Variants in KHDRBS3 observed in about 807,000 individuals in gnomAD.
The protein encoded by KHDRBS3 is KH RNA binding domain containing, signal transduction associated 3, also known as KH domain-containing, RNA-binding, signal transduction-associated protein 3.
Under a neutral mutation model 45.6 loss-of-function variants are expected in KHDRBS3, and 23 were observed. That is an observed-to-expected ratio of 0.50 (90% confidence interval 0.36 to 0.72). The LOEUF is 0.72. KHDRBS3 is among the 30% of genes least tolerant of loss of function. KHDRBS3 has a pLI of 0.00. For synonymous variants in KHDRBS3, 162 were observed against 156.5 expected (o/e 1.04, Z -0.26); for missense variants, 352 against 424.8 (o/e 0.83, Z 1.51).
At chr8:135,545,175 C>G (rs1586696706) in intron 3 of KHDRBS3, among the ~76,000 whole-genome samples, 3 of 152,218 alleles carry the variant, frequency 2.0e-5, no homozygotes, top group African/African-American at 7.2e-5. Flanking sequence ...ATCATAGTTA[C>G]TGTACGCAAG....
intron 1 of KHDRBS3, among the ~76,000 whole-genome samples, chr8:135,481,250 A>ATATATATATATATATT (rs1285436029): frequency 1.6e-5 from 2 of 125,556 alleles, no homozygotes; most frequent in Admixed American, 8.0e-5. Flanking sequence ...ATATATATAT[A>ATATATATATATATATT]TTTAATGTAA....
At chr8:135,640,002 C>G (rs1830995012) in intron 7 of KHDRBS3, among the ~76,000 whole-genome samples, 1 of 152,034 alleles carries the variant, frequency 6.6e-6, no homozygotes, top group Non-Finnish European at 1.5e-5. Flanking sequence ...GAGAGGGTTG[C>G]TGGGGAAGAA....
At chr8:135,639,911 C>T (rs1247556173) in intron 7 of KHDRBS3, among the ~76,000 whole-genome samples, 2 of 152,194 alleles carry the variant, frequency 1.3e-5, no homozygotes, top group Non-Finnish European at 2.9e-5. Flanking sequence ...ATTGCATTTC[C>T]ACATGAGATT....
intron 1 of KHDRBS3, among the ~76,000 whole-genome samples, chr8:135,514,415 C>G (rs1055153786): frequency 6.6e-6 from 1 of 152,114 alleles, no homozygotes; most frequent in African/African-American, 2.4e-5. Context: ...CATGCTGCCC[C>G]GTGGATGAGC....
rs1821898321 is a variant in KHDRBS3, at chr8:135,469,536, T to TG, written c.88+11582_88+11583insG. 2.9e-3 allele frequency among the ~76,000 whole-genome samples: 245 copies of TG among 85,862 alleles called. 4 individuals are homozygous for TG. Among genetic ancestry groups the TG allele is most frequent in the African/African-American group, 0.01 (232 of 22,590 alleles). 56.3% of individuals were successfully genotyped at this position (85,862 alleles called of 152,430 possible). On this transcript the variant is annotated intron_variant, in intron 1 of 8. Transcript: ENST00000355849. ...TTTTTTGTTTTGGTTTTTTTTTTTT[T>TG]TTTTTTTTTTTGAGACGAGTCTCGC...
chr8:135,506,068 G>A (rs749253775), intron 1 of KHDRBS3, among the ~76,000 whole-genome samples: 1 of 152,138 alleles, frequency 6.6e-6, no homozygotes, highest in Non-Finnish European at 1.5e-5. Flanking sequence ...TTAATAACTG[G>A]CATAGATGGC....
At chr8:135,631,925 A>G (rs1014358763) in intron 7 of KHDRBS3, among the ~76,000 whole-genome samples, 1 of 152,206 alleles carries the variant, frequency 6.6e-6, no homozygotes, top group African/African-American at 2.4e-5. Context: ...CAACACAAGT[A>G]ATGCATTGCG....
intron 3 of KHDRBS3, among the ~76,000 whole-genome samples, chr8:135,547,445 G>T (rs1415445795): frequency 1.3e-5 from 2 of 152,132 alleles, no homozygotes; most frequent in East Asian, 3.9e-4. Context: ...AACAGATTTT[G>T]CAAATTAAGT....
chr8:135,599,267 G>A (rs180811087), intron 6 of KHDRBS3, among the ~76,000 whole-genome samples: 126 of 152,288 alleles, frequency 8.3e-4, no homozygotes, highest in East Asian at 7.5e-3. Context: ...TGATGAATAA[G>A]CAAGTCTTTT....
chr8:135,529,152 G>A (rs1563745636), intron 2 of KHDRBS3, among the ~76,000 whole-genome samples: 2 of 152,136 alleles, frequency 1.3e-5, no homozygotes, highest in African/African-American at 2.4e-5. Flanking sequence ...GCGCATAATG[G>A]CCATTGTTTT....
chr8:135,501,258 C>T (rs1823721956), intron 1 of KHDRBS3, among the ~76,000 whole-genome samples: 1 of 152,128 alleles, frequency 6.6e-6, no homozygotes, highest in Non-Finnish European at 1.5e-5. Flanking sequence ...GTTATGTTTT[C>T]TTAGAATTTA....
At chr8:135,497,588 C>A (rs1823522581) in intron 1 of KHDRBS3, among the ~76,000 whole-genome samples, 1 of 151,970 alleles carries the variant, frequency 6.6e-6, no homozygotes, top group Non-Finnish European at 1.5e-5. Flanking sequence ...GTCACAGGCA[C>A]AAATTATAAG....
intron 1 of KHDRBS3, among the ~76,000 whole-genome samples, chr8:135,485,211 T>C (rs1436172593): frequency 6.6e-6 from 1 of 152,194 alleles, no homozygotes; most frequent in Non-Finnish European, 1.5e-5. Flanking sequence ...TATTGCTATA[T>C]CCCAGCACCT....
At chr8:135,458,958 A>G (rs996187651) in intron 1 of KHDRBS3, 10 of 456,080 alleles carry the variant, frequency 2.2e-5, no homozygotes, top group Admixed American at 2.1e-4. Context: ...TTTTCCTGGA[A>G]TATGTGTTTC....
chr8:135,459,969 CTTACTG>C (rs1208029752), intron 1 of KHDRBS3, among the ~76,000 whole-genome samples: 1 of 152,210 alleles, frequency 6.6e-6, no homozygotes, highest in Non-Finnish European at 1.5e-5. Context: ...AGAATCTTGT[CTTACTG>C]TTAGTTTAGA....
intron 7 of KHDRBS3, among the ~76,000 whole-genome samples, chr8:135,614,990 G>C (rs972954774): frequency 6.6e-6 from 1 of 151,696 alleles, no homozygotes; most frequent in South Asian, 2.1e-4. Context: ...TCAGTGGTAG[G>C]GGGGATTTTG....
intron 1 of KHDRBS3, among the ~76,000 whole-genome samples, chr8:135,519,784 G>A (rs1399419357): frequency 1.3e-5 from 2 of 152,114 alleles, no homozygotes; most frequent in Admixed American, 6.5e-5. Context: ...CAAAACCTTT[G>A]TTTAATAGAC....
At chr8:135,485,142 A>T (rs1414721112) in intron 1 of KHDRBS3, among the ~76,000 whole-genome samples, 4 of 152,142 alleles carry the variant, frequency 2.6e-5, no homozygotes, top group Admixed American at 2.6e-4. Context: ...CTGACACATG[A>T]TCCATTTATC....
At chr8:135,630,925 T>C (rs1830571477) in intron 7 of KHDRBS3, among the ~76,000 whole-genome samples, 1 of 152,098 alleles carries the variant, frequency 6.6e-6, no homozygotes, top group Non-Finnish European at 1.5e-5. Context: ...TCATAGACAT[T>C]GTATGCATAG....
Sources: gnomAD v4.1 joint callset for allele counts (sites outside exome capture counted in the v4.1 genomes callset) on GRCh38, gnomAD v4.1.1 for gene constraint, MANE v1.5 for transcripts, NCBI Gene and HGNC (gene_info 2026-07-23, HGNC 2026-07-21) for gene names.